GNG7: variants seen among roughly 807,000 people sequenced by gnomAD.
GNG7 encodes the protein G protein subunit gamma 7, also known as guanine nucleotide-binding protein G(I)/G(S)/G(O) subunit gamma-7.
Under a neutral mutation model 4.0 loss-of-function variants are expected in GNG7, and 1 was observed. That is an observed-to-expected ratio of 0.25 (90% CI 0.09 to 1.18). The LOEUF is 1.18. GNG7 is among the 50% of genes most tolerant of loss of function. The pLI is 0.50. For missense variants in GNG7, 86 were observed against 91.9 expected (o/e 0.94, Z 0.26); for synonymous variants, 34 against 36.9 (o/e 0.92, Z 0.29).
chr19:2,553,823 T>C (rs1274946379), intron 3 of GNG7, among the ~76,000 whole-genome samples: 3 of 101,510 alleles, frequency 3.0e-5, no homozygotes, highest in Middle Eastern at 5.4e-3. Flanking sequence ...CACATACATG[T>C]ACATATTATA....
chr19:2,630,033 T>A (rs921017591), intron 2 of GNG7, among the ~76,000 whole-genome samples: 15 of 151,408 alleles, frequency 9.9e-5, no homozygotes, highest in African/African-American at 3.7e-4. Context: ...TTTTTTTTTT[T>A]AATAAGTGGA....
At chr19:2,688,267 G>T (rs1377310490) in intron 1 of GNG7, among the ~76,000 whole-genome samples, 1 of 152,128 alleles carries the variant, frequency 6.6e-6, no homozygotes, top group Non-Finnish European at 1.5e-5. Context: ...AAAGAAAAAA[G>T]AAATCATGAT....
At chr19:2,590,311 T>C (rs1200039164) in intron 2 of GNG7, among the ~76,000 whole-genome samples, 1 of 152,182 alleles carries the variant, frequency 6.6e-6, no homozygotes, top group African/African-American at 2.4e-5. Context: ...CTTCCTTTTT[T>C]CTCTATCGGG....
At chr19:2,532,607 A>G (rs78584052) in intron 3 of GNG7, among the ~76,000 whole-genome samples, 1 of 152,214 alleles carries the variant, frequency 6.6e-6, no homozygotes, top group Non-Finnish European at 1.5e-5. Context: ...AAAAGACCTC[A>G]AGCCACAGAT....
At chr19:2,531,933 T>C (rs144863019) in intron 3 of GNG7, among the ~76,000 whole-genome samples, 3,761 of 148,108 alleles carry the variant, frequency 0.025, 149 homozygotes, top group Admixed American at 0.071. Flanking sequence ...AGGCGGATCA[T>C]GAGGTCAGGA....
chr19:2,621,856 C>T (rs1599426409), intron 2 of GNG7, among the ~76,000 whole-genome samples: 1 of 152,186 alleles, frequency 6.6e-6, no homozygotes, highest in Admixed American at 6.5e-5. Flanking sequence ...CCTGTAGCGC[C>T]CAGGGGAGCA....
intron 1 of GNG7, among the ~76,000 whole-genome samples, chr19:2,682,533 C>T (rs924875872): frequency 1.5e-4 from 22 of 151,318 alleles, no homozygotes; most frequent in South Asian, 6.3e-4. Context: ...CGTGGTGGCA[C>T]GCACCTGTAG....
chr19:2,624,385 G>T (rs1981958344), intron 2 of GNG7, among the ~76,000 whole-genome samples: 2 of 151,798 alleles, frequency 1.3e-5, no homozygotes, highest in African/African-American at 4.8e-5. Flanking sequence ...AAAAAAATTA[G>T]CCGGGCGTGG....
At chr19:2,658,168 G>A (rs2144874992) in intron 1 of GNG7, among the ~76,000 whole-genome samples, 1 of 152,090 alleles carries the variant, frequency 6.6e-6, no homozygotes, top group East Asian at 1.9e-4. Context: ...CTCCACACAC[G>A]GGGAGAAAAA....
intron 3 of GNG7, among the ~76,000 whole-genome samples, chr19:2,548,462 CAG>C (rs1205453703): frequency 1.7e-5 from 2 of 116,876 alleles, no homozygotes; most frequent in African/African-American, 6.8e-5. Context: ...GCCCGGGCGA[CAG>C]AGCGAGGCTC....
intron 2 of GNG7, among the ~76,000 whole-genome samples, chr19:2,644,139 G>GC (rs1408461822): frequency 6.6e-6 from 1 of 151,648 alleles, no homozygotes; most frequent in African/African-American, 2.4e-5. Context: ...TCCCACCTCA[G>GC]CCCCCCAAGT....
At chr19:2,560,842 A>G (rs1479374097) in intron 2 of GNG7, among the ~76,000 whole-genome samples, 1 of 151,794 alleles carries the variant, frequency 6.6e-6, no homozygotes, top group Non-Finnish European at 1.5e-5. Context: ...CTGTAATCCC[A>G]GGTACTCAGG....
intron 1 of GNG7, among the ~76,000 whole-genome samples, chr19:2,673,397 A>G (rs1418207287): frequency 6.6e-6 from 1 of 151,842 alleles, no homozygotes; most frequent in Non-Finnish European, 1.5e-5. Flanking sequence ...AAAAAACAAG[A>G]AAATGGAAAT....
chr19:2,549,920 G>C (rs1979261535), intron 3 of GNG7, among the ~76,000 whole-genome samples: 1 of 152,242 alleles, frequency 6.6e-6, no homozygotes, highest in Admixed American at 6.5e-5. Context: ...AATGGAGTGT[G>C]TGGTTTTGCT....
intron 2 of GNG7, among the ~76,000 whole-genome samples, chr19:2,644,726 G>A (rs1035683525): frequency 6.6e-5 from 10 of 152,058 alleles, no homozygotes; most frequent in Non-Finnish European, 1.3e-4. Flanking sequence ...CATGCTGTGT[G>A]GCCTTTTGTG....
intron 1 of GNG7, among the ~76,000 whole-genome samples, chr19:2,666,142 C>T (rs1467624685): frequency 6.7e-6 from 1 of 150,056 alleles, no homozygotes; most frequent in Admixed American, 6.7e-5. Context: ...CCACCGTGCC[C>T]GGCTTATGTT....
chr19:2,649,390 A>AATT lies in GNG7; in HGVS notation c.-134-3113_-134-3111dup, dbSNP rs142328153. 2.1e-5 allele frequency among the ~76,000 whole-genome samples: 3 copies of AATT among 145,850 alleles called. No homozygotes were observed. In the South Asian group the frequency reaches 6.7e-4, roughly 32 times the overall value. ...TTCAGTGTAGACGCTCACCCCTAGG[A>AATT]ATTATTATTATTATTATTACTTTTT... On this transcript the variant is annotated intron_variant, in intron 1 of 4. Transcript: ENST00000382159.
chr19:2,691,925 T>C (rs1320894283), intron 1 of GNG7, among the ~76,000 whole-genome samples: 6 of 151,092 alleles, frequency 4.0e-5, no homozygotes, highest in African/African-American at 1.5e-4. Context: ...GAAGGCCTTT[T>C]GTGATGACAG....
At chr19:2,664,476 A>G (rs1348573518) in intron 1 of GNG7, among the ~76,000 whole-genome samples, 2 of 152,128 alleles carry the variant, frequency 1.3e-5, no homozygotes, top group Non-Finnish European at 2.9e-5. Context: ...GTGACCTGGA[A>G]CAGGCTCCAC....
Sources: allele counts gnomAD v4.1 joint callset (sites outside exome capture counted in the v4.1 genomes callset), GRCh38; gene constraint gnomAD v4.1.1; transcripts MANE v1.5; gene names NCBI Gene and HGNC (gene_info 2026-07-23, HGNC 2026-07-21).